GTF2IRD1: variants seen among roughly 807,000 people sequenced by gnomAD.
GTF2IRD1 encodes the protein GTF2I repeat domain containing 1.
In GTF2IRD1, 26 loss-of-function variants were observed where a neutral mutation model predicts 113.2. That is an observed-to-expected ratio of 0.23 (90% CI 0.17 to 0.32). The LOEUF (loss-of-function observed/expected upper bound fraction) is 0.32, where lower values mean the gene tolerates loss of function less well. Ranked by LOEUF, GTF2IRD1 falls within the 10% of genes least tolerant of loss-of-function variation. GTF2IRD1 has a pLI of 1.00. For synonymous variants in GTF2IRD1, 484 were observed against 529.1 expected (o/e 0.91, Z 1.17); for missense variants, 864 against 1,280.8 (o/e 0.67, Z 4.97).
At position 74,595,346 on chromosome 7, in the gene GTF2IRD1, C is replaced by T. The variant is rs187552340; in HGVS notation, c.2629+295C>T. 5.0e-3 allele frequency among the ~76,000 whole-genome samples: 749 copies of T among 150,178 alleles called. 5 individuals carry two copies. Among genetic ancestry groups the T allele is most frequent in the Non-Finnish European group, 7.5e-3 (511 of 67,724 alleles). On this transcript the variant is annotated intron_variant, in intron 25 of 26. Coordinates refer to ENST00000424337, the MANE Select transcript of GTF2IRD1 (RefSeq NM_005685.4). The stretch of plus-strand genomic sequence containing the variant: ...GCGTGAACCCGGGAGGCAGAGGTTG[C>T]GGTGAACTGAGATCGCGCCCCTGCA...
intron 22 of GTF2IRD1, among the ~76,000 whole-genome samples, chr7:74,575,693 G>A (rs1266647189): frequency 6.6e-6 from 1 of 152,172 alleles, no homozygotes; most frequent in Non-Finnish European, 1.5e-5. Context: ...CTGAACTTGG[G>A]GAAGGACGGA....
At chr7:74,477,853 G>A (rs369169220) in intron 1 of GTF2IRD1, among the ~76,000 whole-genome samples, 5 of 152,124 alleles carry the variant, frequency 3.3e-5, no homozygotes, top group South Asian at 2.1e-4. Flanking sequence ...GCCTTTTCCC[G>A]ACAAGAAAAG....
intron 1 of GTF2IRD1, among the ~76,000 whole-genome samples, chr7:74,471,701 A>AAAAAAAAAAAC (rs1554332421): frequency 7.4e-6 from 1 of 134,722 alleles, no homozygotes; most frequent in African/African-American, 2.8e-5. Context: ...AAAAAAAAAA[A>AAAAAAAAAAAC]CAAAAAAAAC....
chr7:74,579,942 C>T (rs1167854124), intron 22 of GTF2IRD1, among the ~76,000 whole-genome samples: 2 of 152,138 alleles, frequency 1.3e-5, no homozygotes, highest in South Asian at 2.1e-4. Flanking sequence ...CCCTCCTGCA[C>T]GCAGTGTCCA....
chr7:74,500,599 G>T (rs1261857914), intron 1 of GTF2IRD1, among the ~76,000 whole-genome samples: 1 of 152,126 alleles, frequency 6.6e-6, no homozygotes, highest in Non-Finnish European at 1.5e-5. Flanking sequence ...ATGTGTGTGT[G>T]TGTGTGTCCC....
rs782358460 is a variant in GTF2IRD1 at position 74,590,976 on chromosome 7, G to C, written c.2550G>C (p.Lys850Asn). The change falls in exon 24 of 27, where the codon AAG (lysine) becomes AAC (asparagine). Residue 850 changes from lysine to asparagine, a missense_variant. By Grantham distance (94) the Lys-to-Asn change is moderately conservative. Around this residue, in one of 7 missense-constraint regions of GTF2IRD1, gnomAD observed 195 missense variants for 359.1 expected, o/e 0.54. Transcript: ENST00000424337. The stretch of plus-strand genomic sequence containing the variant: ...TCCACCGGCTGGAGAAGATCCTGAA[G>C]GCCCGAGAGCATGTCCGCATGGTCA... ...YDIHRLEKIL[K>N]AREHVRMVII... The C allele has an allele frequency of 1.1e-5, 18 of 1,613,184 alleles. No homozygotes were observed. Among genetic ancestry groups the C allele is most frequent in the Non-Finnish European group, 1.5e-5 (18 of 1,179,966 alleles).
intron 10 of GTF2IRD1, 40 bp from the exon 11 acceptor site, chr7:74,536,127 C>A (rs1798281926): frequency 7.8e-7 from 1 of 1,280,658 alleles, no homozygotes; most frequent in Non-Finnish European, 1.1e-6. Context: ...AAGAGGAGGC[C>A]AGAGGGCCTT....
intron 22 of GTF2IRD1, among the ~76,000 whole-genome samples, chr7:74,573,983 CT>C (rs1800846748): frequency 6.6e-6 from 1 of 151,962 alleles, no homozygotes; most frequent in South Asian, 2.1e-4. Flanking sequence ...TTGTTTGTTT[CT>C]GTTTTGTTTT....
At chr7:74,460,098 C>T (rs1793265617) in intron 1 of GTF2IRD1, among the ~76,000 whole-genome samples, 1 of 151,146 alleles carries the variant, frequency 6.6e-6, no homozygotes, top group Non-Finnish European at 1.5e-5. Flanking sequence ...GGCTCAGTCT[C>T]CCAAGTAGGT....
At chr7:74,546,519 GCC>G (rs1237840376) in intron 16 of GTF2IRD1, among the ~76,000 whole-genome samples, 2 of 152,038 alleles carry the variant, frequency 1.3e-5, no homozygotes, top group African/African-American at 2.4e-5. Context: ...ACTGCACCCG[GCC>G]CCCTGTGTTC....
At chr7:74,508,045 C>T in intron 1 of GTF2IRD1, 30 bp from the exon 2 acceptor site, 1 of 1,589,898 alleles carries the variant, frequency 6.3e-7, no homozygotes, top group Non-Finnish European at 8.5e-7. Context: ...TGCCTTGTGC[C>T]CACCACCACT....
intron 22 of GTF2IRD1, among the ~76,000 whole-genome samples, chr7:74,584,884 C>T (rs1554367236): frequency 6.6e-6 from 1 of 152,106 alleles, no homozygotes; most frequent in Non-Finnish European, 1.5e-5. Flanking sequence ...TCTCTGTAAC[C>T]TCCGCCTCCC....
chr7:74,565,667 A>G (rs1337896178), intron 22 of GTF2IRD1, among the ~76,000 whole-genome samples: 2 of 152,026 alleles, frequency 1.3e-5, no homozygotes, highest in African/African-American at 4.8e-5. Flanking sequence ...ACATTCTAGT[A>G]GGTCATAAAA....
intron 1 of GTF2IRD1, among the ~76,000 whole-genome samples, chr7:74,486,851 C>T (rs1554335665): frequency 6.6e-6 from 1 of 151,892 alleles, no homozygotes; most frequent in Non-Finnish European, 1.5e-5. Flanking sequence ...TGGTTGTGTG[C>T]TCCTGTAATC....
chr7:74,578,305 C>A (rs1452390845), intron 22 of GTF2IRD1, among the ~76,000 whole-genome samples: 1 of 152,108 alleles, frequency 6.6e-6, no homozygotes, highest in Non-Finnish European at 1.5e-5. Flanking sequence ...CCTCACTCAG[C>A]CTTCCGAGTA....
At chr7:74,477,805 A>T (rs1367517165) in intron 1 of GTF2IRD1, among the ~76,000 whole-genome samples, 15 of 152,138 alleles carry the variant, frequency 9.9e-5, no homozygotes, top group Non-Finnish European at 2.9e-5. Context: ...GCGCCCCAGG[A>T]TTAGATCACC....
At chr7:74,518,058 C>T in intron 4 of GTF2IRD1, 81 bp from the exon 5 acceptor site, 1 of 1,024,940 alleles carries the variant, frequency 9.8e-7, no homozygotes, top group Non-Finnish European at 1.4e-6. Context: ...CAGCACTGCC[C>T]CCACTCTGGG....
chr7:74,509,093 A>G (rs141367095), intron 2 of GTF2IRD1, among the ~76,000 whole-genome samples: 2 of 152,206 alleles, frequency 1.3e-5, no homozygotes, highest in Non-Finnish European at 2.9e-5. Flanking sequence ...ACGGTGGCTC[A>G]CGCAAGTAAT....
intron 1 of GTF2IRD1, among the ~76,000 whole-genome samples, chr7:74,459,038 A>G (rs1793184013): frequency 6.6e-6 from 1 of 152,022 alleles, no homozygotes; most frequent in African/African-American, 2.4e-5. Flanking sequence ...TCTCGGTCCC[A>G]TTCCCTTCTC....
Sources: allele counts gnomAD v4.1 joint callset (sites outside exome capture counted in the v4.1 genomes callset), GRCh38; gene constraint gnomAD v4.1.1; regional missense constraint gnomAD v4.1.1; transcripts MANE v1.5; gene names NCBI Gene and HGNC (gene_info 2026-07-23, HGNC 2026-07-21).